The following PDZRN4 variants were observed in gnomAD, a reference collection of about 807,000 sequenced individuals.
PDZRN4 encodes PDZ domain-containing RING finger protein 4.
PDZRN4 carries 70 observed loss-of-function variants against 99.0 expected under a neutral mutation model. The observed-to-expected ratio is 0.71, with a 90% CI of 0.58 to 0.86. The LOEUF (loss-of-function observed/expected upper bound fraction) is 0.86, where lower values mean the gene tolerates loss of function less well. Among genes scored for constraint, PDZRN4 ranks in the 40% least tolerant of loss-of-function variants. The pLI is 0.00. For missense variants in PDZRN4, 1,474 were observed against 1,331.2 expected (o/e 1.11, Z -1.67); for synonymous variants, 551 against 501.6 (o/e 1.10, Z -1.32).
chr12:41,209,661 A>G (rs1402345834), intron 3 of PDZRN4, among the ~76,000 whole-genome samples: 22 of 150,950 alleles, frequency 1.5e-4, no homozygotes, highest in South Asian at 1.1e-3. Context: ...CCATGTCCCT[A>G]CAAAGGACAT....
chr12:41,484,292 T>C (rs1315832586), intron 3 of PDZRN4, among the ~76,000 whole-genome samples: 1 of 152,214 alleles, frequency 6.6e-6, no homozygotes, highest in Non-Finnish European at 1.5e-5. Context: ...AACCTACCTT[T>C]CTCAAAATTG....
At chr12:41,317,867 C>T (rs1918231) in intron 3 of PDZRN4, among the ~76,000 whole-genome samples, 24,649 of 151,924 alleles carry the variant, frequency 0.16, 2,431 homozygotes, top group Non-Finnish European at 0.22. Flanking sequence ...CAATCGCTTC[C>T]TATTTTTAAC....
chr12:41,445,777 C>T (rs887239420), intron 3 of PDZRN4, among the ~76,000 whole-genome samples: 1 of 152,018 alleles, frequency 6.6e-6, no homozygotes, highest in Non-Finnish European at 1.5e-5. Context: ...AGGGCATGCA[C>T]CTTGAGAATT....
intron 3 of PDZRN4, among the ~76,000 whole-genome samples, chr12:41,290,887 TA>T (rs1330556522): frequency 6.6e-6 from 1 of 152,162 alleles, no homozygotes; most frequent in African/African-American, 2.4e-5. Context: ...TATGTCTAAG[TA>T]ATTTGATTCA....
chr12:41,219,503 G>A (rs909959342), intron 3 of PDZRN4, among the ~76,000 whole-genome samples: 2 of 152,092 alleles, frequency 1.3e-5, no homozygotes, highest in Non-Finnish European at 1.5e-5. Flanking sequence ...AACAGTGGGA[G>A]TAAGCTTCAC....
At chr12:41,295,132 G>T (rs560051224) in intron 3 of PDZRN4, among the ~76,000 whole-genome samples, 2 of 152,216 alleles carry the variant, frequency 1.3e-5, no homozygotes, top group South Asian at 4.1e-4. Flanking sequence ...GTCTTTAAAT[G>T]ATAAGGTCAA....
chr12:41,506,479 G>T lies in PDZRN4; in HGVS notation c.867G>T (p.Lys289Asn). ...AGGTCAATGGGAAGGATCTTTCAAA[G>T]GCCACTCATGAAGAGGCAGTGGAAG... is the stretch of plus-strand genomic sequence containing the variant. ...IMEVNGKDLS[K>N]ATHEEAVEAF... Residue 289 changes from lysine (K) to asparagine (N), a missense_variant, in exon 4 of 10, where the codon AAG becomes AAT. Physicochemically the swap from Lys to Asn is moderately conservative, Grantham distance 94 (BLOSUM62 0). Transcript: ENST00000402685. 1.2e-6 allele frequency: 2 copies of T among 1,612,938 alleles called. No individual in the cohort carries two copies. The highest frequency in any genetic ancestry group is 2.7e-5 in the African/African-American group (2 of 74,990).
At position 41,341,606 on chromosome 12, in the gene PDZRN4, CA is replaced by C. The variant is rs58214412; in HGVS notation, c.843+147426del. The stretch of plus-strand genomic sequence containing the variant: ...AAACAATTATATTTATAATAGCTAG[CA>C]AAAAAAATAGCTAGGAACAAACTTA... On this transcript the variant is annotated intron_variant, in intron 3 of 9. Coordinates refer to ENST00000402685, the MANE Select transcript of PDZRN4 (RefSeq NM_001164595.2). Among the ~76,000 whole-genome samples the C allele has an allele frequency of 2.7e-5, 4 of 150,648 alleles. No homozygotes were observed. The East Asian group carries it at 7.8e-4, about 29-fold the overall frequency.
chr12:41,193,132 C>G (rs113909758), intron 2 of PDZRN4, among the ~76,000 whole-genome samples: 1 of 152,184 alleles, frequency 6.6e-6, no homozygotes, highest in African/African-American at 2.4e-5. Flanking sequence ...TGCTGTGCTT[C>G]TCTTTTTAAA....
At chr12:41,559,814 C>T (rs1592112600) in intron 7 of PDZRN4, among the ~76,000 whole-genome samples, 2 of 152,040 alleles carry the variant, frequency 1.3e-5, no homozygotes, top group South Asian at 2.1e-4. Flanking sequence ...ATCATGGGGG[C>T]GGTTACTCCC....
At chr12:41,261,769 G>A (rs1442977599) in intron 3 of PDZRN4, among the ~76,000 whole-genome samples, 2 of 152,174 alleles carry the variant, frequency 1.3e-5, no homozygotes, top group Admixed American at 6.5e-5. Flanking sequence ...GATTACAGGC[G>A]TGAGCCACCG....
chr12:41,573,818 G>A lies in PDZRN4; in HGVS notation c.3039G>A (p.Leu1013=). The part of the protein sequence containing the change: ...ILDNWMTIQE[L]MTHGAKSPDG... Reference sequence around the variant, plus strand: ...ACAACTGGATGACAATCCAAGAACTGATGACCCATGGGGCCAAGTCTCCAG... The same window carrying A: ...ACAACTGGATGACAATCCAAGAACTAATGACCCATGGGGCCAAGTCTCCAG... The change falls in exon 10 of 10, where the codon CTG becomes CTA. Residue 1013 remains leucine, a synonymous_variant. Transcript: ENST00000402685. 1 of 1,611,596 alleles carries A rather than the reference G, an allele frequency of 6.2e-7. No individual in the cohort carries two copies. Among genetic ancestry groups the A allele is most frequent in the Middle Eastern group, 1.7e-4 (1 of 6,016 alleles).
At chr12:41,557,395 G>A (rs982133176) in intron 7 of PDZRN4, among the ~76,000 whole-genome samples, 3 of 152,120 alleles carry the variant, frequency 2.0e-5, no homozygotes, top group African/African-American at 7.2e-5. Flanking sequence ...CCCTTGGAGA[G>A]TGTTTTTTTG....
At chr12:41,191,767 TATTTATTTATTTATTTA>T (rs1384080463) in intron 2 of PDZRN4, among the ~76,000 whole-genome samples, 84 of 92,302 alleles carry the variant, frequency 9.1e-4, no homozygotes, top group Non-Finnish European at 1.5e-3. Context: ...TTTATTTATT[TATTTATTTATTTATTTA>T]TTTTGTTTGT....
intron 3 of PDZRN4, among the ~76,000 whole-genome samples, chr12:41,417,683 A>C (rs1364397545): frequency 6.6e-6 from 1 of 152,204 alleles, no homozygotes; most frequent in African/African-American, 2.4e-5. Context: ...CCTCAGAAAG[A>C]AGAGAAAAGC....
intron 3 of PDZRN4, among the ~76,000 whole-genome samples, chr12:41,385,112 A>G (rs1407007251): frequency 6.6e-6 from 1 of 152,202 alleles, no homozygotes; most frequent in Admixed American, 6.5e-5. Context: ...TAGTGGGGAG[A>G]GACAGACCAT....
intron 3 of PDZRN4, among the ~76,000 whole-genome samples, chr12:41,328,590 A>G (rs1951724126): frequency 6.6e-6 from 1 of 152,172 alleles, no homozygotes. Context: ...ACTTTTTTTA[A>G]AAAACATTGG....
rs142932829 is a variant in PDZRN4, at chr12:41,365,377, T to A, written c.844-141079T>A. ...AGCTATTATAATGTGTGTTTTTTTT[T>A]AAATTGTATGTTCTATTTAAATAGA... On this transcript the variant is annotated intron_variant, in intron 3 of 9. Transcript: ENST00000402685. Among the ~76,000 whole-genome samples, 159 of 152,194 alleles carry A rather than the reference T, an allele frequency of 1.0e-3. 1 individual carries two copies. Among genetic ancestry groups the A allele is most frequent in the Non-Finnish European group, 1.9e-3 (126 of 67,970 alleles).
At chr12:41,491,974 C>G (rs1937895076) in intron 3 of PDZRN4, among the ~76,000 whole-genome samples, 1 of 152,066 alleles carries the variant, frequency 6.6e-6, no homozygotes, top group African/African-American at 2.4e-5. Context: ...ATACTTGTTT[C>G]TTTCATACAT....
Sources: gnomAD v4.1 joint callset for allele counts (sites outside exome capture counted in the v4.1 genomes callset) on GRCh38, gnomAD v4.1.1 for gene constraint, MANE v1.5 for transcripts, NCBI Gene and HGNC (gene_info 2026-07-23, HGNC 2026-07-21) for gene names.